NOCT: variants seen among roughly 807,000 people sequenced by gnomAD.
The protein encoded by NOCT is nocturnin.
In NOCT, 18 loss-of-function variants were observed where a neutral mutation model predicts 35.0. The ratio of observed to expected loss-of-function variants is 0.51; its 90% CI spans 0.36 to 0.76. The LOEUF (loss-of-function observed/expected upper bound fraction) is 0.76, where lower values mean the gene tolerates loss of function less well. Ranked by LOEUF, NOCT falls within the 30% of genes least tolerant of loss-of-function variation. The pLI is 0.01. For synonymous variants in NOCT, 235 were observed against 226.3 expected (o/e 1.04, Z -0.34); for missense variants, 479 against 541.0 (o/e 0.89, Z 1.14).
Position 139,036,977 on chromosome 4 carries a change from T to C in NOCT, c.191-6097T>C, listed in dbSNP as rs180732165. 4.6e-5 allele frequency among the ~76,000 whole-genome samples: 7 copies of C among 152,298 alleles called. No individual in the cohort carries two copies. The East Asian group carries it at 1.3e-3, about 29-fold the overall frequency. On this transcript the variant is annotated intron_variant, in intron 1 of 2. Coordinates refer to ENST00000280614, the MANE Select transcript of NOCT (RefSeq NM_012118.4). ...GCTGTCTAGAACGAGGGTGGATAAG[T>C]GGAAATGCCTTTCAGGACCATCTGT...
intron 1 of NOCT, among the ~76,000 whole-genome samples, chr4:139,033,979 C>T (rs1726674566): frequency 6.6e-6 from 1 of 152,142 alleles, no homozygotes; most frequent in Admixed American, 6.6e-5. Flanking sequence ...CCACCTCAGC[C>T]TCCCAACATG....
intron 1 of NOCT, among the ~76,000 whole-genome samples, chr4:139,033,913 C>T (rs1025883588): frequency 2.0e-5 from 3 of 151,916 alleles, no homozygotes; most frequent in Non-Finnish European, 2.9e-5. Flanking sequence ...CATCTAGATA[C>T]GGATCTCTCT....
chr4:139,024,256 C>T (rs1040170217), intron 1 of NOCT, among the ~76,000 whole-genome samples: 17 of 151,912 alleles, frequency 1.1e-4, no homozygotes, highest in African/African-American at 4.1e-4. Context: ...ACACGGGTCT[C>T]AGCTCAGACT....
In NOCT at chr4:139,016,073, C is replaced by G; in HGVS notation, c.92C>G (p.Pro31Arg). The change falls in exon 1 of 3, where the codon CCG becomes CGG. Residue 31 changes from proline to arginine, a missense_variant. Physicochemically the swap from Pro to Arg is moderately radical, Grantham distance 103. This residue lies in a region of NOCT where 265 missense variants were observed against 257.0 expected (regional missense o/e 1.03). Coordinates refer to ENST00000280614, the MANE Select transcript of NOCT (RefSeq NM_012118.4). ...RRLPAPGLRR[P>R]LSPPAAVPRP... Reference sequence around the variant, plus strand: ...CTGCCCGCCCCAGGGCTGCGCCGCCCGTTGTCCCCGCCGGCTGCTGTTCCC... The same window carrying G: ...CTGCCCGCCCCAGGGCTGCGCCGCCGGTTGTCCCCGCCGGCTGCTGTTCCC... The G allele has an allele frequency of 3.6e-6, 5 of 1,389,694 alleles. No homozygotes were observed. The highest frequency in any genetic ancestry group is 2.8e-6 in the Non-Finnish European group (3 of 1,069,816). 86.1% of individuals were successfully genotyped at this position (1,389,694 alleles called of 1,614,324 possible).
In NOCT at chr4:139,045,224, A is replaced by T; in HGVS notation, c.1046A>T (p.Lys349Met). Residue 349 changes from lysine to methionine, a missense_variant, in exon 3 of 3, where the codon AAG (lysine) becomes ATG (methionine). Coordinates refer to ENST00000280614, the MANE Select transcript of NOCT (RefSeq NM_012118.4). The part of the protein sequence containing the change: ...SSSLNLNSAY[K>M]LLSADGQSEP... The stretch of plus-strand genomic sequence containing the variant: ...AGCCTCAACCTGAACAGCGCCTACA[A>T]GCTGCTGAGTGCTGATGGGCAGTCA... 2 of 1,614,180 alleles carry T rather than the reference A, an allele frequency of 1.2e-6. No individual in the cohort carries two copies. Among genetic ancestry groups the T allele is most frequent in the Non-Finnish European group, 1.7e-6 (2 of 1,180,030 alleles).
intron 1 of NOCT, among the ~76,000 whole-genome samples, chr4:139,028,835 TTTTTG>T (rs377273006): frequency 1.7e-4 from 26 of 152,274 alleles, no homozygotes; most frequent in East Asian, 5.8e-4. Context: ...TAGCCTTCTC[TTTTTG>T]TTTTGTTTTG....
chr4:139,037,264 C>G (rs1345116464), intron 1 of NOCT, among the ~76,000 whole-genome samples: 2 of 152,172 alleles, frequency 1.3e-5, no homozygotes, highest in Non-Finnish European at 2.9e-5. Context: ...CTCAGACGTG[C>G]TCATCTACAG....
chr4:139,018,905 C>T (rs921470575), intron 1 of NOCT, among the ~76,000 whole-genome samples: 4 of 152,064 alleles, frequency 2.6e-5, no homozygotes, highest in Non-Finnish European at 5.9e-5. Flanking sequence ...TACTATAAAG[C>T]GTTTTGTTTG....
chr4:139,026,611 C>T (rs1399156848), intron 1 of NOCT, among the ~76,000 whole-genome samples: 2 of 150,874 alleles, frequency 1.3e-5, no homozygotes, highest in Non-Finnish European at 2.9e-5. Context: ...AGTGCAGTGG[C>T]ACGATCTCGG....
chr4:139,024,496 T>TATAAA (rs1329145683), intron 1 of NOCT, among the ~76,000 whole-genome samples: 2 of 152,248 alleles, frequency 1.3e-5, no homozygotes, highest in Non-Finnish European at 2.9e-5. Flanking sequence ...GTGTCTATAA[T>TATAAA]GTCTCTCGTA....
intron 1 of NOCT, among the ~76,000 whole-genome samples, chr4:139,018,416 C>G (rs944913279): frequency 3.3e-5 from 5 of 152,064 alleles, no homozygotes; most frequent in Non-Finnish European, 7.4e-5. Flanking sequence ...GGCTTTTGAC[C>G]CAAGAAAGTG....
intron 1 of NOCT, among the ~76,000 whole-genome samples, chr4:139,017,225 C>T (rs1461092943): frequency 1.6e-5 from 2 of 122,840 alleles, no homozygotes; most frequent in East Asian, 2.5e-4. Context: ...CAATACATAA[C>T]TTTTTTTTTT....
Position 139,045,645 on chromosome 4 carries a change from C to T in NOCT, c.*171C>T, listed in dbSNP as rs1288936321. The T allele has an allele frequency of 6.1e-6, 3 of 494,124 alleles. No individual in the cohort carries two copies. Among genetic ancestry groups the T allele is most frequent in the Non-Finnish European group, 1.1e-5 (3 of 284,266 alleles). 30.6% of individuals were successfully genotyped at this position (494,124 alleles called of 1,614,324 possible). Reference sequence around the variant, plus strand: ...CATTCTCCTGCCTCAGCCTCCAGAGCAACTGGGACAACAGGCGCCCGTCAC... The same window carrying T: ...CATTCTCCTGCCTCAGCCTCCAGAGTAACTGGGACAACAGGCGCCCGTCAC... On this transcript the variant is annotated 3_prime_UTR_variant, in exon 3 of 3. Transcript: ENST00000280614.
At chr4:139,043,544 A>G (rs1726877387) in intron 2 of NOCT, 1 of 557,520 alleles carries the variant, frequency 1.8e-6, no homozygotes. Flanking sequence ...TTAGAAAGAA[A>G]AAAGACACTT....
chr4:139,031,913 A>G (rs1726631494), intron 1 of NOCT, among the ~76,000 whole-genome samples: 1 of 151,906 alleles, frequency 6.6e-6, no homozygotes, highest in Non-Finnish European at 1.5e-5. Context: ...GGGTTTCACC[A>G]TGTTGTTCAG....
intron 1 of NOCT, among the ~76,000 whole-genome samples, chr4:139,023,814 A>G (rs139923740): frequency 5.3e-5 from 8 of 152,240 alleles, no homozygotes; most frequent in African/African-American, 1.9e-4. Context: ...TTTAAAGACC[A>G]TTGTGAGTAT....
At chr4:139,040,189 T>A (rs1726811290) in intron 1 of NOCT, among the ~76,000 whole-genome samples, 1 of 130,108 alleles carries the variant, frequency 7.7e-6, no homozygotes, top group African/African-American at 2.8e-5. Context: ...CCCGCCACCA[T>A]GCCCAGCTAA....
At position 139,045,062 on chromosome 4, in the gene NOCT, G is replaced by A. The variant is rs375776058; in HGVS notation, c.884G>A (p.Arg295Gln). Residue 295 changes from arginine (R) to glutamine (Q), a missense_variant, in exon 3 of 3, where the codon CGG (arginine) becomes CAG (glutamine). Physicochemically the swap from Arg to Gln is conservative, Grantham distance 43. Around this residue, in one of 2 missense-constraint regions of NOCT, gnomAD observed 214 missense variants for 284.0 expected, o/e 0.75. Transcript: ENST00000280614. ...THLKARTGWE[R>Q]FRSAQGCDLL... ...CTAAAAGCACGCACTGGCTGGGAGCGGTTTCGATCAGCTCAAGGCTGTGAC... is the reference window on the plus strand; with the variant it reads ...CTAAAAGCACGCACTGGCTGGGAGCAGTTTCGATCAGCTCAAGGCTGTGAC... The A allele has an allele frequency of 3.8e-5, 61 of 1,614,190 alleles. No homozygotes were observed. In the African/African-American group the frequency reaches 4.5e-4, roughly 12 times the overall value.
intron 1 of NOCT, among the ~76,000 whole-genome samples, chr4:139,022,307 T>G (rs982580055): frequency 3.3e-5 from 5 of 152,204 alleles, no homozygotes; most frequent in Non-Finnish European, 1.5e-5. Context: ...CTATGTGGCC[T>G]CAAAGCAACA....
Sources: gnomAD v4.1 joint callset for allele counts (sites outside exome capture counted in the v4.1 genomes callset) on GRCh38, gnomAD v4.1.1 for gene constraint, gnomAD v4.1.1 regional missense constraint, MANE v1.5 for transcripts, NCBI Gene and HGNC (gene_info 2026-07-23, HGNC 2026-07-21) for gene names.